The following SCOC variants were observed in gnomAD, a reference collection of about 807,000 sequenced individuals.
SCOC encodes the protein short coiled coil protein.
A neutral mutation model predicts 9.9 loss-of-function variants in SCOC; 7 were observed. That is an observed-to-expected ratio of 0.71 (90% CI 0.40 to 1.33). The LOEUF is 1.33. Among genes scored for constraint, SCOC ranks in the 40% most tolerant of loss-of-function variants. The probability of loss-of-function intolerance (pLI) is 0.01; values close to 1 mark genes in which losing one functional copy is unlikely to be tolerated. For synonymous variants in SCOC, 19 were observed against 28.2 expected, an observed-to-expected ratio of 0.67 and a Z score of 1.03; for missense variants, 66 against 89.7, an observed-to-expected ratio of 0.74 and a Z score of 1.07.
chr4:140,274,210 A>G (rs1281757390), intron 1 of SCOC, among the ~76,000 whole-genome samples: 1 of 152,234 alleles, frequency 6.6e-6, no homozygotes, highest in Non-Finnish European at 1.5e-5. Context: ...ACAAGCAGGC[A>G]TGATTATATT....
chr4:140,358,474 C>A (rs1727329023), intron 2 of SCOC, among the ~76,000 whole-genome samples: 1 of 152,164 alleles, frequency 6.6e-6, no homozygotes, highest in Non-Finnish European at 1.5e-5. Context: ...TAACATTGGG[C>A]AAATTATTTA....
chr4:140,288,012 T>C (rs779794641), intron 1 of SCOC, among the ~76,000 whole-genome samples: 9 of 151,834 alleles, frequency 5.9e-5, no homozygotes, highest in East Asian at 3.9e-4. Flanking sequence ...CACATGTACA[T>C]ACACCCCACA....
At chr4:140,379,832 C>G (rs1314145331) in intron 3 of SCOC, among the ~76,000 whole-genome samples, 180 bp downstream of exon 3, 1 of 152,176 alleles carries the variant, frequency 6.6e-6, no homozygotes, top group Non-Finnish European at 1.5e-5. Flanking sequence ...ACACTTCAGT[C>G]AAGTCAAATG....
chr4:140,356,874 T>C (rs1309694149), intron 2 of SCOC, among the ~76,000 whole-genome samples: 1 of 152,186 alleles, frequency 6.6e-6, no homozygotes, highest in African/African-American at 2.4e-5. Context: ...TAGATTTACT[T>C]TTTCCCAATT....
upstream of SCOC, among the ~76,000 whole-genome samples, chr4:140,373,015 G>C (rs1728120601): frequency 6.6e-6 from 1 of 152,194 alleles, no homozygotes; most frequent in African/African-American, 2.4e-5. Context: ...TACCACTAGG[G>C]TATTTTCTCA....
chr4:140,311,491 T>C (rs1319979879), intron 1 of SCOC, among the ~76,000 whole-genome samples: 2 of 152,182 alleles, frequency 1.3e-5, no homozygotes, highest in African/African-American at 4.8e-5. Context: ...GAATTCATCC[T>C]AGATGAATTC....
chr4:140,338,876 A>G (rs1188980209), upstream of SCOC, among the ~76,000 whole-genome samples: 1 of 152,234 alleles, frequency 6.6e-6, no homozygotes, highest in Non-Finnish European at 1.5e-5. Flanking sequence ...CATACTGCCC[A>G]AGGTAATTTA....
intron 1 of SCOC, among the ~76,000 whole-genome samples, chr4:140,336,433 G>A (rs1001927734): frequency 7.9e-5 from 12 of 151,970 alleles, no homozygotes; most frequent in African/African-American, 2.9e-4. Context: ...CTGTCTCTAC[G>A]GACTTGCCTT....
chr4:140,309,664 G>T (rs182302369), intron 1 of SCOC, among the ~76,000 whole-genome samples: 22 of 152,272 alleles, frequency 1.4e-4, no homozygotes, highest in Admixed American at 4.6e-4. Context: ...ATTACCTCAT[G>T]ATAACATATG....
chr4:140,355,212 T>TATATATATATATATG (rs1491221564), intron 2 of SCOC, among the ~76,000 whole-genome samples: 70 of 2,276 alleles, frequency 0.031, no homozygotes, highest in African/African-American at 0.19. Context: ...ATTATATTTT[T>TATATATATATATATG]ATATATATAT....
At chr4:140,374,320 G>A in intron 1 of SCOC, 1 of 379,300 alleles carries the variant, frequency 2.6e-6, no homozygotes, top group Admixed American at 3.2e-5. Context: ...CTGAAAGGCA[G>A]GGCTTCTGTT....
At chr4:140,373,442 A>G, upstream of SCOC, 2 of 1,527,326 alleles carry the variant, frequency 1.3e-6, no homozygotes, top group Non-Finnish European at 1.8e-6. Flanking sequence ...GCCCACAGCG[A>G]CCTCAATCCT....
intron 1 of SCOC, among the ~76,000 whole-genome samples, chr4:140,304,397 A>G (rs1731903446): frequency 6.6e-6 from 1 of 152,174 alleles, no homozygotes; most frequent in Admixed American, 6.6e-5. Flanking sequence ...ATATCCTGGT[A>G]GGACTTTCCT....
upstream of SCOC, among the ~76,000 whole-genome samples, chr4:140,371,592 T>G (rs1357845213): frequency 4.6e-5 from 7 of 152,234 alleles, no homozygotes; most frequent in African/African-American, 1.4e-4. Context: ...CCCCACAACC[T>G]TAGAAACAGT....
chr4:140,349,497 C>T (rs568146921), intron 2 of SCOC, among the ~76,000 whole-genome samples: 1 of 152,244 alleles, frequency 6.6e-6, no homozygotes, highest in South Asian at 2.1e-4. Flanking sequence ...TCACCTCTCT[C>T]CTGAGTTTAT....
chr4:140,275,123 C>A (rs1416496789), intron 1 of SCOC, among the ~76,000 whole-genome samples: 2 of 152,196 alleles, frequency 1.3e-5, no homozygotes, highest in Non-Finnish European at 2.9e-5. Context: ...TGCAAGGCTT[C>A]TTTTATATTT....
chr4:140,303,936 C>T (rs1731887096), intron 1 of SCOC, among the ~76,000 whole-genome samples: 1 of 152,212 alleles, frequency 6.6e-6, no homozygotes, highest in African/African-American at 2.4e-5. Context: ...ATTTATTCAA[C>T]AAATTCTAAT....
intron 2 of SCOC, among the ~76,000 whole-genome samples, chr4:140,361,808 T>A (rs777587598): frequency 2.0e-5 from 3 of 152,150 alleles, no homozygotes; most frequent in Non-Finnish European, 4.4e-5. Flanking sequence ...TCAGAATACC[T>A]CTGAGGACTA....
intron 1 of SCOC, among the ~76,000 whole-genome samples, chr4:140,377,420 G>A (rs1007658933): frequency 2.6e-5 from 4 of 152,206 alleles, no homozygotes; most frequent in Non-Finnish European, 5.9e-5. Context: ...AAGAGGTCGG[G>A]CAGAGCAACT....
Sources: allele counts gnomAD v4.1 joint callset (sites outside exome capture counted in the v4.1 genomes callset), GRCh38; gene constraint gnomAD v4.1.1; transcripts MANE v1.5; gene names NCBI Gene and HGNC (gene_info 2026-07-23, HGNC 2026-07-21).